The following TNS3 variants were observed in gnomAD, a reference collection of about 807,000 sequenced individuals.
TNS3 encodes the protein tensin 3, also known as tensin-3.
TNS3 carries 45 observed loss-of-function variants against 140.9 expected under a neutral mutation model. That is an observed-to-expected ratio of 0.32 (90% CI 0.25 to 0.41). TNS3 has a LOEUF of 0.41. Ranked by LOEUF, TNS3 falls within the 10% of genes least tolerant of loss-of-function variation. TNS3 has a pLI of 1.00. For synonymous variants in TNS3, 815 were observed against 788.4 expected (o/e 1.03, Z -0.56); for missense variants, 1,716 against 1,906.7 (o/e 0.90, Z 1.86).
intron 2 of TNS3, among the ~76,000 whole-genome samples, chr7:47,521,311 T>C (rs575894920): frequency 6.6e-6 from 1 of 152,264 alleles, no homozygotes; most frequent in African/African-American, 2.4e-5. Flanking sequence ...TCCAGCCCAC[T>C]AGACTCCGAG....
intron 20 of TNS3, among the ~76,000 whole-genome samples, chr7:47,326,494 CA>C (rs1788030943): frequency 6.6e-6 from 1 of 152,088 alleles, no homozygotes; most frequent in Admixed American, 6.5e-5. Flanking sequence ...TAGGAAGGCA[CA>C]GGTACTCTGG....
intron 1 of TNS3, among the ~76,000 whole-genome samples, chr7:47,574,243 T>C (rs563689952): frequency 1.4e-5 from 2 of 145,212 alleles, no homozygotes; most frequent in East Asian, 3.9e-4. Flanking sequence ...CCGAAGGCTC[T>C]TTTTTTTTTA....
At chr7:47,552,915 T>C (rs1376156094) in intron 1 of TNS3, among the ~76,000 whole-genome samples, 1 of 152,184 alleles carries the variant, frequency 6.6e-6, no homozygotes. Context: ...TGAAGGAAAT[T>C]AAAAGTGCTG....
At chr7:47,296,784 A>AG (rs200504161) in intron 24 of TNS3, among the ~76,000 whole-genome samples, 10 of 152,128 alleles carry the variant, frequency 6.6e-5, no homozygotes, top group African/African-American at 9.7e-5. Context: ...CAGGGTGGTG[A>AG]GGGGGGTAGA....
chr7:47,472,704 C>T (rs1008016183), intron 4 of TNS3, among the ~76,000 whole-genome samples: 1 of 152,216 alleles, frequency 6.6e-6, no homozygotes, highest in South Asian at 2.1e-4. Context: ...CATCTCAGCA[C>T]ATCTTCAGCC....
intron 17 of TNS3, among the ~76,000 whole-genome samples, chr7:47,353,998 C>CAT (rs769571255): frequency 7.9e-6 from 1 of 126,504 alleles, no homozygotes; most frequent in Non-Finnish European, 1.7e-5. Flanking sequence ...ACAAAACACA[C>CAT]ACACACACAC....
chr7:47,535,600 C>T (rs763483121), intron 1 of TNS3, among the ~76,000 whole-genome samples: 2 of 152,198 alleles, frequency 1.3e-5, no homozygotes, highest in Non-Finnish European at 2.9e-5. Context: ...ATCTAAATTG[C>T]ACTTAATTGT....
intron 12 of TNS3, 106 bp from the exon 13 acceptor site, chr7:47,411,908 A>G (rs1793793599): frequency 2.0e-6 from 2 of 1,012,758 alleles, no homozygotes; most frequent in Non-Finnish European, 3.0e-6. Context: ...GAAATTACAC[A>G]GAATGCCCAA....
In TNS3 at chr7:47,389,074, A is replaced by AG. The variant is rs1562675150; in HGVS notation, c.1024+7725dup. Among the ~76,000 whole-genome samples the AG allele has an allele frequency of 4.6e-5, 3 of 64,578 alleles. 1 individual carries two copies. The highest frequency in any genetic ancestry group is 1.9e-4 in the African/African-American group (3 of 15,776). The allele number at this position is 64,578 out of a possible 152,430, so 42.4% of individuals were successfully genotyped here. ...AAGAAGAAGAAGAAGAAGAAGAAGA[A>AG]GAAGAAGAAGAGGAAGAGGAAGAGG... On this transcript the variant is annotated intron_variant, in intron 16 of 30. Coordinates refer to ENST00000311160, the MANE Select transcript of TNS3 (RefSeq NM_022748.12).
intron 24 of TNS3, among the ~76,000 whole-genome samples, chr7:47,296,539 A>G (rs534699150): frequency 6.6e-6 from 1 of 152,318 alleles, no homozygotes; most frequent in East Asian, 1.9e-4. Context: ...TTTAATGCAA[A>G]AAGGATTCAG....
chr7:47,581,794 G>A lies in TNS3; in HGVS notation c.-265+257C>T, dbSNP rs1462408904. Among the ~76,000 whole-genome samples the A allele has an allele frequency of 8.2e-5, 12 of 147,198 alleles. No homozygotes were observed. The East Asian group carries it at 2.0e-3, about 25-fold the overall frequency. The stretch of plus-strand genomic sequence containing the variant: ...CCCGCGCGCACCAAACCCCTTGCCC[G>A]TGCGCCCCCAACCGGGTCCCCGCGC... On this transcript the variant is annotated intron_variant, in intron 1 of 30. Coordinates refer to ENST00000311160, the MANE Select transcript of TNS3 (RefSeq NM_022748.12).
intron 1 of TNS3, 22 bp from the exon 2 acceptor site, chr7:47,529,169 T>C: frequency 8.5e-7 from 1 of 1,177,520 alleles, no homozygotes; most frequent in Non-Finnish European, 1.1e-6. Flanking sequence ...AAGGAAGAAA[T>C]TGTCAACGTT....
chr7:47,441,357 T>C (rs1385181989), intron 5 of TNS3, among the ~76,000 whole-genome samples: 3 of 152,110 alleles, frequency 2.0e-5, no homozygotes, highest in Non-Finnish European at 2.9e-5. Flanking sequence ...TTTGTATTTT[T>C]AGTAGAGATG....
intron 16 of TNS3, among the ~76,000 whole-genome samples, chr7:47,393,914 T>G (rs1792676545): frequency 6.6e-6 from 1 of 152,106 alleles, no homozygotes; most frequent in South Asian, 2.1e-4. Flanking sequence ...ATCTTTTGCA[T>G]GGCAATGCCA....
chr7:47,550,729 G>A (rs1464206935), intron 1 of TNS3, among the ~76,000 whole-genome samples: 2 of 152,230 alleles, frequency 1.3e-5, no homozygotes, highest in Admixed American at 1.3e-4. Context: ...GCTGGAAGCA[G>A]TTTTAATAGC....
intron 10 of TNS3, among the ~76,000 whole-genome samples, chr7:47,420,716 T>G (rs1437409902): frequency 6.6e-6 from 1 of 152,234 alleles, no homozygotes; most frequent in African/African-American, 2.4e-5. Context: ...TACTTTCCTT[T>G]CTTTCTTGTT....
chr7:47,280,323 T>C lies in TNS3; in HGVS notation c.4129A>G (p.Ser1377Gly), dbSNP rs539978111. 10 of 1,614,152 alleles carry C rather than the reference T, an allele frequency of 6.2e-6. 1 individual carries two copies. In the East Asian group the frequency reaches 1.6e-4, roughly 25 times the overall value. ...LFFRRHYPVN[S>G]VIFCALDPQD... ...GGGTCCAAGGCACAGAAAATCACAC[T>C]GTTCACGGGGTAATGCCTCCGGAAG... Residue 1377 changes from serine to glycine, a missense_variant, in exon 29 of 31, where the codon AGT becomes GGT. Physicochemically the swap from Ser to Gly is moderately conservative, Grantham distance 56 (BLOSUM62 0). Coordinates refer to ENST00000311160, the MANE Select transcript of TNS3 (RefSeq NM_022748.12).
At chr7:47,292,056 C>T in intron 26 of TNS3, 24 bp from the exon 27 acceptor site, 1 of 1,611,152 alleles carries the variant, frequency 6.2e-7, no homozygotes, top group Non-Finnish European at 8.5e-7. Flanking sequence ...CAAGAAAATA[C>T]AGAAATGAGT....
intron 2 of TNS3, among the ~76,000 whole-genome samples, chr7:47,518,768 A>T (rs962128705): frequency 2.0e-5 from 3 of 152,228 alleles, no homozygotes; most frequent in African/African-American, 7.2e-5. Flanking sequence ...CATGAATCTG[A>T]TCCTCACACA....
Sources: gnomAD v4.1 joint callset for allele counts (sites outside exome capture counted in the v4.1 genomes callset) on GRCh38, gnomAD v4.1.1 for gene constraint, MANE v1.5 for transcripts, NCBI Gene and HGNC (gene_info 2026-07-23, HGNC 2026-07-21) for gene names.